FAR2: variants seen among roughly 807,000 people sequenced by gnomAD.
FAR2 encodes epididymis secretory protein Li 81.
In FAR2, 19 loss-of-function variants were observed where a neutral mutation model predicts 56.0. That is an observed-to-expected ratio of 0.34 (90% CI 0.24 to 0.50). The LOEUF (loss-of-function observed/expected upper bound fraction) is 0.50, where lower values mean the gene tolerates loss of function less well. Among genes scored for constraint, FAR2 ranks in the 20% least tolerant of loss-of-function variants. The probability of loss-of-function intolerance (pLI) is 0.98; values close to 1 mark genes in which losing one functional copy is unlikely to be tolerated. For missense variants in FAR2, 508 were observed against 642.2 expected (o/e 0.79, Z 2.26); for synonymous variants, 219 against 218.8 (o/e 1.00, Z -0.01).
At chr12:29,226,514 T>TAA (rs1414468665) in intron 1 of FAR2, among the ~76,000 whole-genome samples, 1 of 152,096 alleles carries the variant, frequency 6.6e-6, no homozygotes, top group Non-Finnish European at 1.5e-5. Flanking sequence ...GAAAAAAAGG[T>TAA]TTAAATTATA....
chr12:29,299,215 A>G (rs1192121872), intron 4 of FAR2, among the ~76,000 whole-genome samples: 5,674 of 82,544 alleles, frequency 0.069, 203 homozygotes, highest in African/African-American at 0.19. Flanking sequence ...CTTTGTCTCA[A>G]AAAAAAAAAA....
intron 10 of FAR2, among the ~76,000 whole-genome samples, chr12:29,324,026 G>C (rs1949600489): frequency 1.3e-5 from 2 of 152,164 alleles, no homozygotes; most frequent in South Asian, 2.1e-4. Context: ...TGGATAACTA[G>C]AATACCCAAT....
At chr12:29,189,319 T>C (rs1053577289) in intron 1 of FAR2, among the ~76,000 whole-genome samples, 15 of 152,218 alleles carry the variant, frequency 9.9e-5, no homozygotes, top group African/African-American at 3.1e-4. Flanking sequence ...TATTTTATTG[T>C]TCAATTTGTT....
intron 1 of FAR2, among the ~76,000 whole-genome samples, chr12:29,210,360 G>A (rs544915085): frequency 2.6e-5 from 4 of 152,150 alleles, no homozygotes; most frequent in East Asian, 1.9e-4. Flanking sequence ...ATCCAAAGTC[G>A]GGACCTTGCA....
Position 29,277,516 on chromosome 12 carries a change from T to C in FAR2, c.189+6878T>C, listed in dbSNP as rs551706066. On this transcript the variant is annotated intron_variant, in intron 2 of 11. Transcript: ENST00000536681. Reference sequence around the variant, plus strand: ...AGGCATGGAATTGGCCTCACAGATCTTAAAGTCCAGTGAGGCAAACGAGTT... The same window carrying C: ...AGGCATGGAATTGGCCTCACAGATCCTAAAGTCCAGTGAGGCAAACGAGTT... The C allele has an allele frequency of 4.6e-5, 7 of 152,330 alleles. No individual in the cohort carries two copies. The South Asian group carries it at 1.2e-3, about 27-fold the overall frequency. The allele number at this position is 152,330 out of a possible 1,614,324, so 9.4% of individuals were successfully genotyped here. A position where few individuals can be genotyped will look rare whatever the true frequency, so the allele number is the denominator to read the frequency against.
At position 29,321,929 on chromosome 12, in the gene FAR2, G is replaced by C; in HGVS notation, c.1257+5G>C. 1 of 1,609,432 alleles carries C rather than the reference G, an allele frequency of 6.2e-7. No individual in the cohort carries two copies. Among genetic ancestry groups the C allele is most frequent in the Non-Finnish European group, 8.5e-7 (1 of 1,177,832 alleles). ...CTGAGTCCTGAAGACCAGAGAGTAA[G>C]TAGAGCACTGACTTAAGCACCAGGA... On this transcript the variant is annotated splice_donor_5th_base_variant and intron_variant, in intron 10 of 11. Coordinates refer to ENST00000536681, the MANE Select transcript of FAR2 (RefSeq NM_001271783.2).
intron 2 of FAR2, among the ~76,000 whole-genome samples, chr12:29,274,839 CT>C (rs894081124): frequency 2.0e-5 from 3 of 151,430 alleles, no homozygotes; most frequent in African/African-American, 4.9e-5. Flanking sequence ...GCCCCCACCC[CT>C]ATCTCCCTTC....
At chr12:29,281,255 C>A (rs1948779387) in intron 2 of FAR2, 1 of 152,182 alleles carries the variant, frequency 6.6e-6, no homozygotes, top group African/African-American at 2.4e-5. Context: ...AACAAAGACA[C>A]CTTCTATTCA....
intron 1 of FAR2, among the ~76,000 whole-genome samples, chr12:29,267,378 A>G (rs534582081): frequency 6.6e-6 from 1 of 152,348 alleles, no homozygotes; most frequent in African/African-American, 2.4e-5. Context: ...TCCTTACCAC[A>G]GCACTATTAA....
intron 1 of FAR2, among the ~76,000 whole-genome samples, chr12:29,228,925 G>C (rs922510334): frequency 1.3e-5 from 2 of 152,148 alleles, no homozygotes; most frequent in African/African-American, 2.4e-5. Context: ...AAAACACGGA[G>C]ACTTAAGGTT....
chr12:29,194,704 A>G (rs1295396113), intron 1 of FAR2, among the ~76,000 whole-genome samples: 3 of 152,110 alleles, frequency 2.0e-5, no homozygotes, highest in African/African-American at 4.8e-5. Context: ...TGGTTAAGGG[A>G]CAGGGTTGGG....
In FAR2 at chr12:29,196,180, T is replaced by A. The variant is rs184241686; in HGVS notation, c.-39+46773T>A. Among the ~76,000 whole-genome samples the A allele has an allele frequency of 5.5e-3, 842 of 152,256 alleles. 4 individuals are homozygous for A. The highest frequency in any genetic ancestry group is 0.031 in the Middle Eastern group (9 of 292). ...ACATACAAGTGCAGGTGCCTTTTTTTATAGAATGACTTCTTTTCTTTTGGG... is the reference window on the plus strand; with the variant it reads ...ACATACAAGTGCAGGTGCCTTTTTTAATAGAATGACTTCTTTTCTTTTGGG... On this transcript the variant is annotated intron_variant, in intron 1 of 11. Transcript: ENST00000536681.
At chr12:29,256,919 C>A (rs1468505984) in intron 1 of FAR2, among the ~76,000 whole-genome samples, 1 of 152,250 alleles carries the variant, frequency 6.6e-6, no homozygotes, top group Non-Finnish European at 1.5e-5. Flanking sequence ...ATGCCTAAGC[C>A]TCCCACCTCC....
chr12:29,286,120 A>T (rs554183607), intron 2 of FAR2, among the ~76,000 whole-genome samples: 1 of 151,980 alleles, frequency 6.6e-6, no homozygotes, highest in Non-Finnish European at 1.5e-5. Flanking sequence ...CTTTCTGATC[A>T]GCAGTTTTTG....
intron 1 of FAR2, among the ~76,000 whole-genome samples, chr12:29,257,552 C>G (rs1319134159): frequency 3.3e-5 from 5 of 152,202 alleles, no homozygotes; most frequent in African/African-American, 1.2e-4. Flanking sequence ...CTACTGCTCA[C>G]TCTTTGGGTC....
Position 29,162,118 on chromosome 12 carries a change from T to A in FAR2, c.-39+12711T>A, listed in dbSNP as rs181123898. Reference sequence around the variant, plus strand: ...TCTTTTAATGAACACAAATTCTTAATCTTAATAGAGTTCAATTTATTAGTG... The same window carrying A: ...TCTTTTAATGAACACAAATTCTTAAACTTAATAGAGTTCAATTTATTAGTG... On this transcript the variant is annotated intron_variant, in intron 1 of 11. Coordinates refer to ENST00000536681, the MANE Select transcript of FAR2 (RefSeq NM_001271783.2). 1.6e-4 allele frequency among the ~76,000 whole-genome samples: 24 copies of A among 152,326 alleles called. No individual in the cohort carries two copies. The East Asian group carries it at 4.2e-3, about 27-fold the overall frequency.
chr12:29,159,520 G>A (rs1019943090), intron 1 of FAR2, among the ~76,000 whole-genome samples: 2 of 14,442 alleles, frequency 1.4e-4, no homozygotes, highest in Admixed American at 2.5e-3. Context: ...ACTCTGTCTC[G>A]GAAAAAAAAA....
intron 4 of FAR2, among the ~76,000 whole-genome samples, chr12:29,305,993 T>G (rs1490602152): frequency 6.6e-6 from 1 of 152,032 alleles, no homozygotes; most frequent in African/African-American, 2.4e-5. Flanking sequence ...GGTTTTTTTT[T>G]TTTTACAGCT....
At chr12:29,154,431 G>C (rs200170316) in intron 1 of FAR2, among the ~76,000 whole-genome samples, 10 of 116,556 alleles carry the variant, frequency 8.6e-5, no homozygotes, top group Non-Finnish European at 1.8e-4. Context: ...TTTTTGTTTT[G>C]TTTTGTTTTG....
Sources: gnomAD v4.1 joint callset for allele counts (sites outside exome capture counted in the v4.1 genomes callset) on GRCh38, gnomAD v4.1.1 for gene constraint, MANE v1.5 for transcripts, NCBI Gene and HGNC (gene_info 2026-07-23, HGNC 2026-07-21) for gene names.